Variants in TBCK observed in about 807,000 individuals in gnomAD.
TBCK encodes TBC1 domain containing kinase.
A neutral mutation model predicts 113.4 loss-of-function variants in TBCK; 99 were observed. That is an observed-to-expected ratio of 0.87 (90% CI 0.74 to 1.03). The LOEUF (loss-of-function observed/expected upper bound fraction) is 1.03, where lower values mean the gene tolerates loss of function less well. TBCK is among the 50% of genes least tolerant of loss of function. The pLI, the probability that TBCK is intolerant of heterozygous loss-of-function variation, is 0.00. For synonymous variants in TBCK, 369 were observed against 370.8 expected, an observed-to-expected ratio of 1.00 and a Z score of 0.05; for missense variants, 1,045 against 1,061.3, an observed-to-expected ratio of 0.98 and a Z score of 0.21.
intron 20 of TBCK, among the ~76,000 whole-genome samples, chr4:106,205,081 T>C (rs1052401233): frequency 6.6e-6 from 1 of 152,182 alleles, no homozygotes; most frequent in Non-Finnish European, 1.5e-5. Flanking sequence ...ATGATTTTTT[T>C]AAATGTACAA....
intron 25 of TBCK, among the ~76,000 whole-genome samples, chr4:106,062,476 C>T (rs1736159237): frequency 6.6e-6 from 1 of 151,782 alleles, no homozygotes; most frequent in African/African-American, 2.4e-5. Context: ...ACTAGTAAAC[C>T]CACACTGTGT....
At chr4:106,212,617 G>C (rs898022142) in intron 20 of TBCK, 133 bp downstream of exon 20, 4 of 602,900 alleles carry the variant, frequency 6.6e-6, no homozygotes, top group African/African-American at 5.6e-5. Flanking sequence ...CTAATACAAG[G>C]CTACAATTAG....
At chr4:106,066,819 A>G (rs1736698096) in intron 25 of TBCK, among the ~76,000 whole-genome samples, 1 of 152,116 alleles carries the variant, frequency 6.6e-6, no homozygotes, top group Non-Finnish European at 1.5e-5. Context: ...CATAATATTT[A>G]CATGGTTCAT....
chr4:106,179,199 T>C (rs57983950), intron 22 of TBCK, among the ~76,000 whole-genome samples: 5,512 of 152,138 alleles, frequency 0.036, 393 homozygotes, highest in East Asian at 0.28. Flanking sequence ...AACCAACTTT[T>C]CCTTTTGTTG....
intron 3 of TBCK, among the ~76,000 whole-genome samples, chr4:106,287,957 G>GT (rs1765284435): frequency 6.6e-6 from 1 of 151,962 alleles, no homozygotes; most frequent in Non-Finnish European, 1.5e-5. Context: ...GAGGTAACTT[G>GT]TTAAGCAATA....
chr4:106,254,616 C>A (rs947618015), intron 5 of TBCK, among the ~76,000 whole-genome samples: 12 of 151,996 alleles, frequency 7.9e-5, no homozygotes, highest in Non-Finnish European at 1.3e-4. Flanking sequence ...CTCAAAATTT[C>A]AGTTTAGCCT....
chr4:106,159,079 A>C (rs898263123), intron 23 of TBCK, among the ~76,000 whole-genome samples: 1 of 152,048 alleles, frequency 6.6e-6, no homozygotes, highest in African/African-American at 2.4e-5. Context: ...GATACCAAAA[A>C]AAGAACAAAA....
intron 3 of TBCK, among the ~76,000 whole-genome samples, chr4:106,276,316 G>C (rs1014513688): frequency 1.3e-5 from 2 of 152,124 alleles, no homozygotes; most frequent in South Asian, 4.1e-4. Flanking sequence ...ATAAAATATG[G>C]GAATATCTTC....
chr4:106,069,604 C>T (rs1407342312), intron 25 of TBCK, among the ~76,000 whole-genome samples: 1 of 152,118 alleles, frequency 6.6e-6, no homozygotes, highest in Non-Finnish European at 1.5e-5. Context: ...GTTCTTTTGG[C>T]TTAGAATTGT....
chr4:106,049,814 A>T (rs1313455811), intron 25 of TBCK, among the ~76,000 whole-genome samples: 1 of 152,092 alleles, frequency 6.6e-6, no homozygotes, highest in African/African-American at 2.4e-5. Context: ...TTAAACAGCA[A>T]TAACAAGGTT....
chr4:106,234,772 T>C (rs139044865), intron 15 of TBCK, among the ~76,000 whole-genome samples: 1 of 152,272 alleles, frequency 6.6e-6, no homozygotes, highest in African/African-American at 2.4e-5. Flanking sequence ...CCATAATTTG[T>C]GACACATCTT....
At chr4:106,082,785 T>C (rs994385118) in intron 25 of TBCK, among the ~76,000 whole-genome samples, 2 of 152,006 alleles carry the variant, frequency 1.3e-5, no homozygotes, top group African/African-American at 2.4e-5. Context: ...CTCATCAAAA[T>C]TGACTAGAAG....
Position 106,045,132 on chromosome 4 carries a change from C to G in TBCK, c.*1438G>C, listed in dbSNP as rs764516752. The G allele has an allele frequency of 6.7e-6, 1 of 148,884 alleles. No individual in the cohort carries two copies. Among genetic ancestry groups the G allele is most frequent in the Non-Finnish European group, 1.5e-5 (1 of 67,736 alleles). 9.2% of individuals were successfully genotyped at this position (148,884 alleles called of 1,614,324 possible). The stretch of plus-strand genomic sequence containing the variant: ...GGGGTACAGTGGCCCTATCATGGCT[C>G]ATTGCAACCTCTGCCTCTCAGGTTC... On this transcript the variant is annotated 3_prime_UTR_variant, in exon 26 of 26. Transcript: ENST00000394708.
At chr4:106,305,206 T>C (rs941918605) in intron 2 of TBCK, among the ~76,000 whole-genome samples, 1 of 152,178 alleles carries the variant, frequency 6.6e-6, no homozygotes, top group Non-Finnish European at 1.5e-5. Context: ...TATAAAATAC[T>C]GTATGAATGT....
chr4:106,057,226 A>G (rs914037907), intron 25 of TBCK, among the ~76,000 whole-genome samples: 1 of 151,686 alleles, frequency 6.6e-6, no homozygotes, highest in Non-Finnish European at 1.5e-5. Context: ...TGAAAGCTTA[A>G]GAGAGAGGGT....
At chr4:106,126,990 A>G (rs1020925394) in intron 23 of TBCK, among the ~76,000 whole-genome samples, 2 of 152,110 alleles carry the variant, frequency 1.3e-5, no homozygotes, top group South Asian at 4.2e-4. Context: ...CGGGCAGATC[A>G]CAAGGTGAGG....
intron 22 of TBCK, among the ~76,000 whole-genome samples, chr4:106,180,549 A>G (rs1752233680): frequency 6.6e-6 from 1 of 151,730 alleles, no homozygotes; most frequent in Non-Finnish European, 1.5e-5. Context: ...CCCACCCCGC[A>G]CAGGCCCCAA....
At chr4:106,292,342 T>C (rs1765809466) in intron 3 of TBCK, among the ~76,000 whole-genome samples, 1 of 151,808 alleles carries the variant, frequency 6.6e-6, no homozygotes, top group Non-Finnish European at 1.5e-5. Flanking sequence ...GAGGCTGAGG[T>C]GCGTGGATCA....
intron 5 of TBCK, among the ~76,000 whole-genome samples, chr4:106,253,814 CA>C (rs1477297444): frequency 6.6e-6 from 1 of 152,146 alleles, no homozygotes; most frequent in Non-Finnish European, 1.5e-5. Flanking sequence ...AGACCACTCT[CA>C]TGTTTAGAAA....
Sources: allele counts gnomAD v4.1 joint callset (sites outside exome capture counted in the v4.1 genomes callset), GRCh38; gene constraint gnomAD v4.1.1; transcripts MANE v1.5; gene names NCBI Gene and HGNC (gene_info 2026-07-23, HGNC 2026-07-21).